Variants in HCRTR2 observed in about 807,000 individuals in gnomAD.
HCRTR2 encodes orexin receptor type 2.
A neutral mutation model predicts 49.0 loss-of-function variants in HCRTR2; 22 were observed. The observed-to-expected ratio is 0.45, with a 90% CI of 0.32 to 0.64. The LOEUF is 0.64. HCRTR2 is among the 30% of genes least tolerant of loss of function. The probability of loss-of-function intolerance (pLI) is 0.04; values close to 1 mark genes in which losing one functional copy is unlikely to be tolerated. For synonymous variants in HCRTR2, 236 were observed against 205.3 expected (o/e 1.15, Z -1.28); for missense variants, 491 against 559.4 (o/e 0.88, Z 1.23).
At chr6:55,140,546 G>T (rs922472849) in intron 1 of HCRTR2, among the ~76,000 whole-genome samples, 14 of 152,062 alleles carry the variant, frequency 9.2e-5, no homozygotes, top group African/African-American at 3.4e-4. Context: ...TTCCCAAAAA[G>T]ACTTTTTCAG....
chr6:55,162,023 A>G (rs1416109919), intron 1 of HCRTR2, among the ~76,000 whole-genome samples: 2 of 152,296 alleles, frequency 1.3e-5, no homozygotes, highest in South Asian at 2.1e-4. Context: ...TGGCAGAGAC[A>G]TACACACAAA....
chr6:55,260,236 G>C lies in HCRTR2; in HGVS notation c.647-3471G>C, dbSNP rs142448836. 3.4e-3 allele frequency among the ~76,000 whole-genome samples: 516 copies of C among 152,218 alleles called. 1 individual carries two copies. The highest frequency in any genetic ancestry group is 0.012 in the African/African-American group (500 of 41,548). ...CAATTGGTCTTATGCAGACAACAGGGCTTCGCAGGTATGTAAGCTTCAAAG... is the reference window on the plus strand; with the variant it reads ...CAATTGGTCTTATGCAGACAACAGGCCTTCGCAGGTATGTAAGCTTCAAAG... On this transcript the variant is annotated intron_variant, in intron 3 of 6. Transcript: ENST00000370862.
At chr6:55,223,818 A>C (rs907567090) in intron 1 of HCRTR2, among the ~76,000 whole-genome samples, 20 of 152,328 alleles carry the variant, frequency 1.3e-4, no homozygotes, top group Admixed American at 9.2e-4. Context: ...CTTTTACCTA[A>C]TCAGCCATTT....
intron 1 of HCRTR2, among the ~76,000 whole-genome samples, chr6:55,183,838 AAAGAAG>A (rs1214602048): frequency 6.6e-6 from 1 of 152,196 alleles, no homozygotes; most frequent in African/African-American, 2.4e-5. Flanking sequence ...AAAAACAAGG[AAAGAAG>A]AGAAAGAAAG....
intron 1 of HCRTR2, among the ~76,000 whole-genome samples, chr6:55,158,836 C>T (rs1764765521): frequency 6.6e-6 from 1 of 152,226 alleles, no homozygotes; most frequent in South Asian, 2.1e-4. Flanking sequence ...TCCCATCTCC[C>T]TGGGACAGGG....
At chr6:55,135,621 C>CT (rs1764423389) in intron 1 of HCRTR2, among the ~76,000 whole-genome samples, 1 of 152,058 alleles carries the variant, frequency 6.6e-6, no homozygotes, top group South Asian at 2.1e-4. Flanking sequence ...ATAAGTAAGC[C>CT]TTATAGTACT....
intron 1 of HCRTR2, among the ~76,000 whole-genome samples, chr6:55,197,910 C>T (rs974309588): frequency 2.0e-5 from 3 of 152,108 alleles, no homozygotes; most frequent in Admixed American, 2.0e-4. Flanking sequence ...CATGAGCCAC[C>T]ACGCCCAGCC....
Position 55,206,202 on chromosome 6 carries a change from C to G in HCRTR2, c.223+31392C>G, listed in dbSNP as rs898503635. ...TAGCAGAAGGAACTGAGTTATGGCT[C>G]AAGAGCTTTTTAATAAGTGTGAGTG... On this transcript the variant is annotated intron_variant, in intron 1 of 6. Coordinates refer to ENST00000370862, the MANE Select transcript of HCRTR2 (RefSeq NM_001384272.1). 1.1e-4 allele frequency among the ~76,000 whole-genome samples: 17 copies of G among 152,074 alleles called. 1 individual carries two copies. The highest frequency in any genetic ancestry group is 9.8e-4 in the Admixed American group (15 of 15,278).
At chr6:55,192,283 G>A (rs1159086459) in intron 1 of HCRTR2, among the ~76,000 whole-genome samples, 1 of 152,042 alleles carries the variant, frequency 6.6e-6, no homozygotes, top group Admixed American at 6.5e-5. Flanking sequence ...GCTGGACATG[G>A]TGGCTCACAT....
chr6:55,234,670 G>C (rs1362275510), intron 1 of HCRTR2, among the ~76,000 whole-genome samples: 2 of 151,888 alleles, frequency 1.3e-5, no homozygotes, highest in East Asian at 3.9e-4. Context: ...TCAAAAAGTG[G>C]GGAAAAAAAC....
chr6:55,129,282 C>T (rs945490239), intron 1 of HCRTR2, among the ~76,000 whole-genome samples: 1 of 152,060 alleles, frequency 6.6e-6, no homozygotes, highest in East Asian at 1.9e-4. Flanking sequence ...GTTTTCAAAT[C>T]TCCTCAAAAT....
At chr6:55,238,535 A>G (rs1358914079) in intron 1 of HCRTR2, among the ~76,000 whole-genome samples, 3 of 152,202 alleles carry the variant, frequency 2.0e-5, no homozygotes, top group African/African-American at 7.2e-5. Context: ...CAATATCCAA[A>G]TGTTTTAACT....
At chr6:55,225,480 C>A (rs185907784) in intron 1 of HCRTR2, among the ~76,000 whole-genome samples, 9 of 152,084 alleles carry the variant, frequency 5.9e-5, no homozygotes, top group Non-Finnish European at 7.4e-5. Flanking sequence ...TATGAGTTAT[C>A]ATAAGCATGG....
chr6:55,190,196 G>A (rs571057570), intron 1 of HCRTR2, among the ~76,000 whole-genome samples: 1 of 152,322 alleles, frequency 6.6e-6, no homozygotes, highest in Admixed American at 6.5e-5. Flanking sequence ...TATTTATTGT[G>A]TGCCTATTGC....
At chr6:55,253,568 A>T (rs910280635) in intron 2 of HCRTR2, among the ~76,000 whole-genome samples, 1 of 152,202 alleles carries the variant, frequency 6.6e-6, no homozygotes, top group African/African-American at 2.4e-5. Flanking sequence ...TTTTAAAGAC[A>T]CATGCAAGTA....
At chr6:55,248,859 G>A in intron 2 of HCRTR2, 42 bp downstream of exon 2, 1 of 1,548,792 alleles carries the variant, frequency 6.5e-7, no homozygotes, top group Non-Finnish European at 8.9e-7. Context: ...TAAAAAGAAT[G>A]TTCAGCCATA....
At chr6:55,261,566 T>C (rs1766756747) in intron 3 of HCRTR2, among the ~76,000 whole-genome samples, 1 of 151,968 alleles carries the variant, frequency 6.6e-6, no homozygotes, top group Admixed American at 6.6e-5. Context: ...CTGTAATTGG[T>C]GTCTGGCCAA....
chr6:55,259,836 A>T (rs925027895), intron 3 of HCRTR2, among the ~76,000 whole-genome samples: 1 of 152,164 alleles, frequency 6.6e-6, no homozygotes, highest in Admixed American at 6.6e-5. Flanking sequence ...CATTGAAGAC[A>T]TTGCTTATGA....
chr6:55,173,948 G>A (rs1764988397), upstream of HCRTR2, among the ~76,000 whole-genome samples: 1 of 152,068 alleles, frequency 6.6e-6, no homozygotes, highest in South Asian at 2.1e-4. Flanking sequence ...CTTTTCCATT[G>A]TCCTGCTTGA....
Sources: allele counts gnomAD v4.1 joint callset (sites outside exome capture counted in the v4.1 genomes callset), GRCh38; gene constraint gnomAD v4.1.1; transcripts MANE v1.5; gene names NCBI Gene and HGNC (gene_info 2026-07-23, HGNC 2026-07-21).